CLSTN2: variants seen among roughly 807,000 people sequenced by gnomAD.
The protein encoded by CLSTN2 is calsyntenin 2.
Under a neutral mutation model 101.2 loss-of-function variants are expected in CLSTN2, and 48 were observed. That is an observed-to-expected ratio of 0.47 (90% CI 0.38 to 0.60). CLSTN2 has a LOEUF of 0.60. Among genes scored for constraint, CLSTN2 ranks in the 20% least tolerant of loss-of-function variants. CLSTN2 has a pLI of 0.00. For synonymous variants in CLSTN2, 481 were observed against 463.6 expected, an observed-to-expected ratio of 1.04 and a Z score of -0.48; for missense variants, 1,160 against 1,238.2, an observed-to-expected ratio of 0.94 and a Z score of 0.95.
In CLSTN2 at chr3:140,026,729, G is replaced by C. The variant is rs564506244; in HGVS notation, c.109+91246G>C. 1.1e-4 allele frequency among the ~76,000 whole-genome samples: 17 copies of C among 152,318 alleles called. No individual in the cohort carries two copies. In the South Asian group the frequency reaches 1.9e-3, roughly 17 times the overall value. ...CATGGTCAGGAATGTCTTAGTCAAA[G>C]AACTGGCTCCTCATTTTACAAACAG... On this transcript the variant is annotated intron_variant, in intron 1 of 16. Coordinates refer to ENST00000458420, the MANE Select transcript of CLSTN2 (RefSeq NM_022131.3).
intron 4 of CLSTN2, among the ~76,000 whole-genome samples, chr3:140,406,681 C>T (rs1026367241): frequency 1.3e-5 from 2 of 152,204 alleles, no homozygotes; most frequent in African/African-American, 4.8e-5. Context: ...GTATTTTTCT[C>T]CTCTGGGTTT....
chr3:140,216,478 G>A (rs1244942779), intron 2 of CLSTN2, among the ~76,000 whole-genome samples: 1 of 152,096 alleles, frequency 6.6e-6, no homozygotes. Flanking sequence ...ACTGCTTCTG[G>A]AGCAATGAGT....
chr3:140,562,389 A>T, intron 13 of CLSTN2, 81 bp downstream of exon 13: 5 of 1,346,096 alleles, frequency 3.7e-6, no homozygotes, highest in Non-Finnish European at 5.1e-6. Flanking sequence ...GTGAGATTGC[A>T]CCTGTGAAGG....
intron 2 of CLSTN2, among the ~76,000 whole-genome samples, chr3:140,366,303 G>A (rs1268348525): frequency 6.6e-6 from 1 of 152,246 alleles, no homozygotes; most frequent in Admixed American, 6.5e-5. Context: ...GACACTCAGA[G>A]TATGGGCAGC....
At chr3:140,468,671 G>A (rs533634945) in intron 8 of CLSTN2, among the ~76,000 whole-genome samples, 1 of 152,320 alleles carries the variant, frequency 6.6e-6, no homozygotes, top group Admixed American at 6.5e-5. Flanking sequence ...CTTGCGCAAG[G>A]TCACACAGCA....
Position 140,573,323 on chromosome 3 carries a change from G to A in CLSTN2, c.*7070G>A, listed in dbSNP as rs2107799632. The stretch of plus-strand genomic sequence containing the variant: ...ACAATTCAAACACTGAATTGCTTGG[G>A]GAATGGATGGCCTTCCTTGGAAGGG... On this transcript the variant is annotated 3_prime_UTR_variant, in exon 17 of 17. Coordinates refer to ENST00000458420, the MANE Select transcript of CLSTN2 (RefSeq NM_022131.3). 1 of 152,262 alleles carries A rather than the reference G, an allele frequency of 6.6e-6. No individual in the cohort carries two copies. Among genetic ancestry groups the A allele is most frequent in the South Asian group, 2.1e-4 (1 of 4,824 alleles). 9.4% of individuals were successfully genotyped at this position (152,262 alleles called of 1,614,324 possible).
chr3:140,359,942 TTATATATG>T (rs2087709291), intron 2 of CLSTN2, among the ~76,000 whole-genome samples: 1 of 151,286 alleles, frequency 6.6e-6, no homozygotes, highest in African/African-American at 2.4e-5. Context: ...TATATACACT[TTATATATG>T]TATTTATATG....
At chr3:140,042,682 C>T (rs1214297137) in intron 1 of CLSTN2, among the ~76,000 whole-genome samples, 1 of 152,164 alleles carries the variant, frequency 6.6e-6, no homozygotes, top group African/African-American at 2.4e-5. Flanking sequence ...CCTCCCGCTA[C>T]ACCATGACAG....
chr3:140,004,287 G>A (rs1463400698), intron 1 of CLSTN2, among the ~76,000 whole-genome samples: 2 of 152,190 alleles, frequency 1.3e-5, no homozygotes, highest in African/African-American at 4.8e-5. Flanking sequence ...TAATAAATTG[G>A]AAAGTGACTT....
intron 1 of CLSTN2, among the ~76,000 whole-genome samples, chr3:140,127,025 A>ATG (rs1220962733): frequency 9.9e-6 from 1 of 101,352 alleles, no homozygotes; most frequent in Non-Finnish European, 2.0e-5. Context: ...TATGTGTCAT[A>ATG]TATATATATC....
rs139676776 is a variant in CLSTN2 at position 139,988,249 on chromosome 3, A to G, written c.109+52766A>G. 1.8e-3 allele frequency among the ~76,000 whole-genome samples: 276 copies of G among 152,330 alleles called. 2 individuals carry two copies. The highest frequency in any genetic ancestry group is 6.5e-3 in the African/African-American group (270 of 41,576). ...ATTTTTCTTTACTTTGTTGGGCCCA[A>G]TTAGACTTTCCCTTTAAATTTCATA... is the stretch of plus-strand genomic sequence containing the variant. On this transcript the variant is annotated intron_variant, in intron 1 of 16. Coordinates refer to ENST00000458420, the MANE Select transcript of CLSTN2 (RefSeq NM_022131.3).
chr3:140,129,376 T>G (rs2009487182), intron 1 of CLSTN2, among the ~76,000 whole-genome samples: 1 of 152,154 alleles, frequency 6.6e-6, no homozygotes, highest in Non-Finnish European at 1.5e-5. Context: ...GACTCTTAGG[T>G]CAGGTGGACC....
chr3:140,275,439 A>C (rs368663106), intron 2 of CLSTN2, among the ~76,000 whole-genome samples: 1 of 151,874 alleles, frequency 6.6e-6, no homozygotes, highest in Admixed American at 6.6e-5. Flanking sequence ...CAGCTTTTAA[A>C]ATTATTATTA....
At chr3:140,397,127 A>G (rs1042976546) in intron 2 of CLSTN2, among the ~76,000 whole-genome samples, 6 of 149,462 alleles carry the variant, frequency 4.0e-5, no homozygotes, top group East Asian at 1.9e-4. Context: ...ATATTTTTGG[A>G]AAAAAAAACA....
At chr3:140,319,915 C>G (rs1231899221) in intron 2 of CLSTN2, among the ~76,000 whole-genome samples, 1 of 152,252 alleles carries the variant, frequency 6.6e-6, no homozygotes, top group Non-Finnish European at 1.5e-5. Flanking sequence ...TTGCTGCAAA[C>G]AACTCGCAGC....
At chr3:139,984,033 T>A (rs13080287) in intron 1 of CLSTN2, among the ~76,000 whole-genome samples, 49,877 of 152,102 alleles carry the variant, frequency 0.33, 10,116 homozygotes, top group Non-Finnish European at 0.46. Context: ...GTAAAACTTA[T>A]TGGCATCAGT....
At chr3:140,275,573 G>A (rs1054741121) in intron 2 of CLSTN2, among the ~76,000 whole-genome samples, 1 of 152,122 alleles carries the variant, frequency 6.6e-6, no homozygotes, top group Non-Finnish European at 1.5e-5. Flanking sequence ...ACTCAGCCAG[G>A]ATTTCTTAAT....
chr3:140,208,411 A>G (rs2010811235), intron 2 of CLSTN2, among the ~76,000 whole-genome samples: 2 of 152,224 alleles, frequency 1.3e-5, no homozygotes, highest in Non-Finnish European at 1.5e-5. Context: ...ATGAAATACA[A>G]TAAGATCTTT....
chr3:140,008,998 G>T (rs1454047787), intron 1 of CLSTN2, among the ~76,000 whole-genome samples: 5 of 152,220 alleles, frequency 3.3e-5, no homozygotes, highest in Non-Finnish European at 4.4e-5. Flanking sequence ...CATGCACACA[G>T]AAGCCTTGTT....
Sources: allele counts gnomAD v4.1 joint callset (sites outside exome capture counted in the v4.1 genomes callset), GRCh38; gene constraint gnomAD v4.1.1; transcripts MANE v1.5; gene names NCBI Gene and HGNC (gene_info 2026-07-23, HGNC 2026-07-21).